Variants in TMTC2 observed in about 807,000 individuals in gnomAD.
TMTC2 encodes protein O-mannosyl-transferase TMTC2.
In TMTC2, 43 loss-of-function variants were observed where a neutral mutation model predicts 82.4. The observed-to-expected ratio is 0.52, with a 90% confidence interval of 0.41 to 0.67. TMTC2 has a LOEUF of 0.67. TMTC2 is among the 30% of genes least tolerant of loss of function. The pLI is 0.00. For missense variants in TMTC2, 919 were observed against 1,012.4 expected (o/e 0.91, Z 1.25); for synonymous variants, 408 against 381.9 (o/e 1.07, Z -0.80).
chr12:82,934,586 C>CCA (rs1876216990), intron 4 of TMTC2, among the ~76,000 whole-genome samples: 1 of 152,070 alleles, frequency 6.6e-6, no homozygotes, highest in Non-Finnish European at 1.5e-5. Flanking sequence ...GTGTAGTATT[C>CCA]TGTAGTGTAT....
At chr12:83,007,323 C>T (rs1880250057) in intron 8 of TMTC2, among the ~76,000 whole-genome samples, 1 of 152,152 alleles carries the variant, frequency 6.6e-6, no homozygotes, top group Admixed American at 6.5e-5. Context: ...AATGTACACA[C>T]TTATCACTTA....
At chr12:83,010,845 T>G in intron 8 of TMTC2, among the ~76,000 whole-genome samples, 1 of 152,188 alleles carries the variant, frequency 6.6e-6, no homozygotes, top group East Asian at 1.9e-4. Flanking sequence ...ATTTATTTAT[T>G]TATTTAGAAA....
intron 1 of TMTC2, among the ~76,000 whole-genome samples, chr12:82,782,744 A>G (rs879458559): frequency 3.3e-5 from 5 of 152,196 alleles, no homozygotes; most frequent in African/African-American, 4.8e-5. Flanking sequence ...TACCTTTTCT[A>G]GACTAAGTAC....
chr12:82,779,017 A>G (rs910441193), intron 1 of TMTC2, among the ~76,000 whole-genome samples: 1 of 147,162 alleles, frequency 6.8e-6, no homozygotes, highest in Non-Finnish European at 1.5e-5. Context: ...AACCTGGGCG[A>G]CAGAGCGAGA....
chr12:82,965,138 T>A, intron 5 of TMTC2, 29 bp downstream of exon 5: 1 of 1,508,204 alleles, frequency 6.6e-7, no homozygotes, highest in Non-Finnish European at 9.1e-7. Context: ...TTTATTTTTT[T>A]ATACCTCTTT....
intron 11 of TMTC2, among the ~76,000 whole-genome samples, chr12:83,069,839 T>A (rs974350237): frequency 3.3e-5 from 5 of 152,190 alleles, no homozygotes; most frequent in African/African-American, 1.2e-4. Context: ...GTTTAAGTCC[T>A]TAATCCATCT....
chr12:82,808,904 T>A lies in TMTC2; in HGVS notation c.84-48106T>A, dbSNP rs573528361. On this transcript the variant is annotated intron_variant, in intron 1 of 11. Transcript: ENST00000321196. ...GCCAAAAGTTTTGTCCATTACTATA[T>A]AAAATTACAGTTAAATTCTTATATA... Among the ~76,000 whole-genome samples the A allele has an allele frequency of 2.0e-5, 3 of 151,868 alleles. No homozygotes were observed. In the East Asian group the frequency reaches 5.8e-4, roughly 29 times the overall value.
intron 1 of TMTC2, among the ~76,000 whole-genome samples, chr12:82,763,174 T>C (rs747041926): frequency 2.9e-5 from 4 of 137,214 alleles, no homozygotes; most frequent in Non-Finnish European, 6.1e-5. Flanking sequence ...TAAACAGATA[T>C]TCAAGCATAG....
chr12:82,969,528 T>TA (rs1266309880), intron 7 of TMTC2, among the ~76,000 whole-genome samples: 1 of 152,186 alleles, frequency 6.6e-6, no homozygotes, highest in African/African-American at 2.4e-5. Flanking sequence ...TTGCTTTTGT[T>TA]AAAAAACACT....
At chr12:82,941,767 T>C (rs776100711) in intron 4 of TMTC2, among the ~76,000 whole-genome samples, 2 of 152,190 alleles carry the variant, frequency 1.3e-5, no homozygotes, top group African/African-American at 2.4e-5. Context: ...TTTTGTTTTG[T>C]TTTGTTTTTT....
At chr12:82,972,217 C>T (rs1878481026) in intron 7 of TMTC2, among the ~76,000 whole-genome samples, 1 of 151,944 alleles carries the variant, frequency 6.6e-6, no homozygotes, top group African/African-American at 2.4e-5. Flanking sequence ...GTGATAATGG[C>T]CCATTGCTTT....
chr12:82,790,319 T>C lies in TMTC2; in HGVS notation c.84-66691T>C, dbSNP rs189159525. The stretch of plus-strand genomic sequence containing the variant: ...AGGGGGTGGATTGGGCCTGTAGGAG[T>C]TGGTTCTGTCTCTGTTTACAGTTTA... On this transcript the variant is annotated intron_variant, in intron 1 of 11. Coordinates refer to ENST00000321196, the MANE Select transcript of TMTC2 (RefSeq NM_152588.3). Among the ~76,000 whole-genome samples the C allele has an allele frequency of 1.1e-3, 171 of 151,818 alleles. 1 individual carries two copies. The highest frequency in any genetic ancestry group is 3.0e-3 in the Admixed American group (46 of 15,240).
chr12:82,848,022 G>A (rs1441120264), intron 1 of TMTC2, among the ~76,000 whole-genome samples: 1 of 152,114 alleles, frequency 6.6e-6, no homozygotes, highest in East Asian at 1.9e-4. Flanking sequence ...AGATAAATAA[G>A]ATGCCTTTTC....
At chr12:82,908,951 T>C (rs1488756576) in intron 3 of TMTC2, among the ~76,000 whole-genome samples, 1 of 152,192 alleles carries the variant, frequency 6.6e-6, no homozygotes, top group Admixed American at 6.5e-5. Context: ...TCTAAAAATC[T>C]CTGCTACAAT....
intron 11 of TMTC2, among the ~76,000 whole-genome samples, chr12:83,068,486 A>G (rs1247862503): frequency 1.3e-5 from 2 of 152,094 alleles, no homozygotes; most frequent in Non-Finnish European, 2.9e-5. Flanking sequence ...CTGCTTGTAA[A>G]TGGGGGAGGA....
rs958358472 is a variant in TMTC2, at chr12:82,876,020, A to G, written c.654+18440A>G. ...TGGTATTGGTAATGGTAATGGTAGT[A>G]GTGGTGGCGGTGGTGGTGGTGGTGG... On this transcript the variant is annotated intron_variant, in intron 2 of 11. Transcript: ENST00000321196. 1.9e-4 allele frequency among the ~76,000 whole-genome samples: 14 copies of G among 75,654 alleles called. No individual in the cohort carries two copies. The South Asian group carries it at 2.1e-3, about 11-fold the overall frequency. The allele number at this position is 75,654 out of a possible 152,430, so 49.6% of individuals were successfully genotyped here.
rs566490322 is a variant in TMTC2 at position 82,734,029 on chromosome 12, C to A, written c.83+46360C>A. Among the ~76,000 whole-genome samples the A allele has an allele frequency of 4.6e-5, 7 of 152,304 alleles. No homozygotes were observed. The East Asian group carries it at 9.6e-4, about 21-fold the overall frequency. On this transcript the variant is annotated intron_variant, in intron 1 of 11. Coordinates refer to ENST00000321196, the MANE Select transcript of TMTC2 (RefSeq NM_152588.3). ...TGAAGAACTAGTATGTGAATTCATT[C>A]ATGTCTTCAGTGTCAACTCTGTGTT... is the stretch of plus-strand genomic sequence containing the variant.
chr12:82,957,871 GA>G lies in TMTC2; in HGVS notation c.1599-7148del, dbSNP rs988452816. Reference sequence around the variant, plus strand: ...AAACTGAGTCAGTAATTAAAAAAAAGAAAAACACAAAAAACAAAAACTTACC... The same window carrying G: ...AAACTGAGTCAGTAATTAAAAAAAAGAAAACACAAAAAACAAAAACTTACC... On this transcript the variant is annotated intron_variant, in intron 4 of 11. Coordinates refer to ENST00000321196, the MANE Select transcript of TMTC2 (RefSeq NM_152588.3). Among the ~76,000 whole-genome samples, 14 of 151,954 alleles carry G rather than the reference GA, an allele frequency of 9.2e-5. No homozygotes were observed. The South Asian group carries it at 2.9e-3, about 32-fold the overall frequency.
chr12:82,993,784 A>T (rs541017155), intron 8 of TMTC2, among the ~76,000 whole-genome samples: 14 of 152,292 alleles, frequency 9.2e-5, no homozygotes, highest in African/African-American at 3.1e-4. Flanking sequence ...TGCGGGTGGT[A>T]AAGGAATTTA....
Sources: gnomAD v4.1 joint callset for allele counts (sites outside exome capture counted in the v4.1 genomes callset) on GRCh38, gnomAD v4.1.1 for gene constraint, MANE v1.5 for transcripts, NCBI Gene and HGNC (gene_info 2026-07-23, HGNC 2026-07-21) for gene names.